The following CHN2 variants were observed in gnomAD, a reference collection of about 807,000 sequenced individuals.
The protein encoded by CHN2 is chimerin 2.
A neutral mutation model predicts 56.3 loss-of-function variants in CHN2; 35 were observed. The observed-to-expected ratio is 0.62, with a 90% CI of 0.47 to 0.82. CHN2 has a LOEUF of 0.82. Ranked by LOEUF, CHN2 falls within the 40% of genes least tolerant of loss-of-function variation. The pLI is 0.00. For missense variants in CHN2, 491 were observed against 580.5 expected (o/e 0.85, Z 1.58); for synonymous variants, 210 against 212.8 (o/e 0.99, Z 0.12).
intron 1 of CHN2, among the ~76,000 whole-genome samples, chr7:29,338,664 C>T (rs1337759029): frequency 6.6e-6 from 1 of 152,138 alleles, no homozygotes; most frequent in Non-Finnish European, 1.5e-5. Context: ...TTGCAACCTC[C>T]ATCTCCCAGG....
chr7:29,178,384 G>C (rs771706651), intron 2 of CHN2, among the ~76,000 whole-genome samples: 4 of 152,084 alleles, frequency 2.6e-5, no homozygotes, highest in Non-Finnish European at 5.9e-5. Context: ...GTCTTCCTCT[G>C]CGTGCGGTTT....
Position 29,390,665 on chromosome 7 carries a change from T to C in CHN2, c.145-3014T>C, listed in dbSNP as rs564080490. 5.4e-4 allele frequency among the ~76,000 whole-genome samples: 82 copies of C among 152,348 alleles called. 1 individual carries two copies. Among genetic ancestry groups the C allele is most frequent in the Non-Finnish European group, 2.8e-4 (19 of 68,024 alleles). On this transcript the variant is annotated intron_variant, in intron 3 of 12. Transcript: ENST00000222792. ...ACCTACTGAAGAGAATCTCATACAA[T>C]TGGAAACAGAAATTGAGTTACAGTT...
intron 1 of CHN2, among the ~76,000 whole-genome samples, chr7:29,284,310 G>A (rs887221427): frequency 6.6e-6 from 1 of 152,096 alleles, no homozygotes; most frequent in Non-Finnish European, 1.5e-5. Flanking sequence ...GGCCAGGCTG[G>A]TCTCAAACTC....
At chr7:29,304,513 A>T (rs1793986425) in intron 1 of CHN2, among the ~76,000 whole-genome samples, 1 of 152,246 alleles carries the variant, frequency 6.6e-6, no homozygotes, top group Admixed American at 6.5e-5. Flanking sequence ...CTAGCATTTC[A>T]TATTTTAGGA....
chr7:29,357,172 G>C (rs1202528633), intron 2 of CHN2, among the ~76,000 whole-genome samples: 3 of 152,118 alleles, frequency 2.0e-5, no homozygotes, highest in Non-Finnish European at 4.4e-5. Flanking sequence ...TTGATTTTTG[G>C]ATCTAACCAA....
At chr7:29,292,486 T>C (rs1254047536) in intron 1 of CHN2, among the ~76,000 whole-genome samples, 2 of 152,278 alleles carry the variant, frequency 1.3e-5, no homozygotes, top group Admixed American at 6.5e-5. Flanking sequence ...CTGTGATTTA[T>C]TGATTCACCC....
intron 1 of CHN2, among the ~76,000 whole-genome samples, chr7:29,219,394 T>G (rs1416419914): frequency 6.6e-6 from 1 of 152,016 alleles, no homozygotes; most frequent in Non-Finnish European, 1.5e-5. Flanking sequence ...TTAAAAACAC[T>G]TGAATGACTA....
chr7:29,384,081 A>G (rs1440334548), intron 3 of CHN2, among the ~76,000 whole-genome samples: 1 of 152,146 alleles, frequency 6.6e-6, no homozygotes, highest in African/African-American at 2.4e-5. Context: ...AGTGGGTGAT[A>G]CGCTGGATGG....
intron 3 of CHN2, among the ~76,000 whole-genome samples, chr7:29,390,799 C>T (rs1222032119): frequency 6.6e-6 from 1 of 152,186 alleles, no homozygotes; most frequent in African/African-American, 2.4e-5. Flanking sequence ...GCTGGGGGCA[C>T]AGCACGGAGG....
At chr7:29,376,612 T>C (rs765307434) in intron 3 of CHN2, among the ~76,000 whole-genome samples, 2 of 152,232 alleles carry the variant, frequency 1.3e-5, no homozygotes, top group African/African-American at 4.8e-5. Flanking sequence ...CTTGCTTCTC[T>C]CTGCTTTCTA....
intron 1 of CHN2, among the ~76,000 whole-genome samples, chr7:29,334,049 CTTTTT>C (rs70980529): frequency 3.2e-5 from 4 of 123,120 alleles, no homozygotes; most frequent in Non-Finnish European, 3.3e-5. Flanking sequence ...AATTTCTTTT[CTTTTT>C]TTTTTTTTTT....
At chr7:29,203,689 T>C (rs1243792368) in intron 1 of CHN2, among the ~76,000 whole-genome samples, 1 of 152,192 alleles carries the variant, frequency 6.6e-6, no homozygotes, top group Non-Finnish European at 1.5e-5. Flanking sequence ...CAAAACCTGC[T>C]GATGCACTGC....
rs1419119244 is a variant in CHN2 at position 29,219,075 on chromosome 7, A to C, written c.49+24085A>C. The stretch of plus-strand genomic sequence containing the variant: ...GGAGACTGATGCAGTGCGTATTATA[A>C]ATCCTGAATCACGAGGAATGGGTTT... On this transcript the variant is annotated intron_variant, in intron 1 of 12. Coordinates refer to ENST00000222792, the MANE Select transcript of CHN2 (RefSeq NM_004067.4). Among the ~76,000 whole-genome samples the C allele has an allele frequency of 5.9e-5, 9 of 152,220 alleles. No homozygotes were observed. In the East Asian group the frequency reaches 1.7e-3, roughly 29 times the overall value.
intron 1 of CHN2, 136 bp downstream of exon 1, chr7:29,195,126 G>A: frequency 1.1e-6 from 1 of 899,638 alleles, no homozygotes; most frequent in Non-Finnish European, 1.6e-6. Flanking sequence ...CGTCCGGGGT[G>A]ATACTTGTTT....
At chr7:29,166,025 G>T (rs1162136544) in intron 2 of CHN2, among the ~76,000 whole-genome samples, 1 of 151,984 alleles carries the variant, frequency 6.6e-6, no homozygotes, top group Admixed American at 6.6e-5. Context: ...GTTGCAAAGT[G>T]GGTTTTTGTT....
At chr7:29,475,958 G>A (rs918485432) in intron 6 of CHN2, among the ~76,000 whole-genome samples, 2 of 152,204 alleles carry the variant, frequency 1.3e-5, no homozygotes, top group Non-Finnish European at 2.9e-5. Flanking sequence ...AGGTAGTGGT[G>A]ATTGTTGCAG....
chr7:29,378,122 A>T (rs775851886), intron 3 of CHN2, among the ~76,000 whole-genome samples: 13 of 152,218 alleles, frequency 8.5e-5, no homozygotes, highest in Non-Finnish European at 1.9e-4. Flanking sequence ...ATGATGTTTC[A>T]TCAACACCTT....
In CHN2 at chr7:29,480,109, C is replaced by G. The variant is rs1422022965; in HGVS notation, c.577-170C>G. 3 of 1,552,606 alleles carry G rather than the reference C, an allele frequency of 1.9e-6. No individual in the cohort carries two copies. The African/African-American group carries it at 4.1e-5, about 21-fold the overall frequency. ...ACTGGAAAGAGCTGGGATCCAGGCACTATGTTCTCTGAAGAACTGTGGCTG... is the reference window on the plus strand; with the variant it reads ...ACTGGAAAGAGCTGGGATCCAGGCAGTATGTTCTCTGAAGAACTGTGGCTG... On this transcript the variant is annotated intron_variant, in intron 6 of 12. Transcript: ENST00000222792.
chr7:29,150,324 G>A (rs1715911687), intron 2 of CHN2, among the ~76,000 whole-genome samples: 1 of 152,214 alleles, frequency 6.6e-6, no homozygotes, highest in South Asian at 2.1e-4. Context: ...TAAGATAGTA[G>A]TACATATAAA....
Sources: gnomAD v4.1 joint callset for allele counts (sites outside exome capture counted in the v4.1 genomes callset) on GRCh38, gnomAD v4.1.1 for gene constraint, MANE v1.5 for transcripts, NCBI Gene and HGNC (gene_info 2026-07-23, HGNC 2026-07-21) for gene names.